KHDRBS2: variants seen among roughly 807,000 people sequenced by gnomAD.
KHDRBS2 encodes the protein KH RNA binding domain containing, signal transduction associated 2.
KHDRBS2 carries 26 observed loss-of-function variants against 44.3 expected under a neutral mutation model. The observed-to-expected ratio is 0.59, with a 90% CI of 0.43 to 0.81. KHDRBS2 has a LOEUF of 0.81. KHDRBS2 is among the 40% of genes least tolerant of loss of function. KHDRBS2 has a pLI of 0.00. For missense variants in KHDRBS2, 476 were observed against 433.1 expected, an observed-to-expected ratio of 1.10 and a Z score of -0.88; for synonymous variants, 194 against 151.1, an observed-to-expected ratio of 1.28 and a Z score of -2.08.
chr6:61,846,459 G>A (rs1794418498), intron 6 of KHDRBS2, among the ~76,000 whole-genome samples: 1 of 152,032 alleles, frequency 6.6e-6, no homozygotes, highest in Non-Finnish European at 1.5e-5. Flanking sequence ...GGTTACCTAG[G>A]GCATGGGTGG....
intron 2 of KHDRBS2, among the ~76,000 whole-genome samples, chr6:62,060,539 C>A (rs1791531759): frequency 6.6e-6 from 1 of 151,374 alleles, no homozygotes; most frequent in South Asian, 2.1e-4. Flanking sequence ...ACCAACCTTA[C>A]AATATACTTA....
At chr6:61,860,272 T>A (rs755380724) in intron 6 of KHDRBS2, among the ~76,000 whole-genome samples, 6 of 151,948 alleles carry the variant, frequency 3.9e-5, no homozygotes, top group Non-Finnish European at 7.4e-5. Context: ...TGTCTTTTTT[T>A]GTGTGTGTGT....
intron 6 of KHDRBS2, among the ~76,000 whole-genome samples, chr6:61,757,749 C>G (rs1376257513): frequency 6.6e-6 from 1 of 152,014 alleles, no homozygotes; most frequent in East Asian, 1.9e-4. Context: ...AGTTTTGCCT[C>G]TAATAATTAT....
chr6:62,155,663 AAACTATTGT>A (rs1816196951), intron 2 of KHDRBS2, among the ~76,000 whole-genome samples: 1 of 152,214 alleles, frequency 6.6e-6, no homozygotes, highest in South Asian at 2.1e-4. Context: ...CTTCATTGCT[AAACTATTGT>A]TTCTGTAACT....
chr6:61,930,404 C>T (rs1698835), intron 4 of KHDRBS2, among the ~76,000 whole-genome samples: 1 of 151,350 alleles, frequency 6.6e-6, no homozygotes, highest in South Asian at 2.1e-4. Context: ...AGAACTAGTT[C>T]TCATAATTGG....
chr6:61,681,986 G>A (rs1000591681), intron 8 of KHDRBS2, among the ~76,000 whole-genome samples: 2 of 151,814 alleles, frequency 1.3e-5, no homozygotes, highest in Non-Finnish European at 2.9e-5. Context: ...TTCATGCATG[G>A]GTGTGTAAAA....
intron 7 of KHDRBS2, among the ~76,000 whole-genome samples, chr6:61,729,847 G>T (rs1774163442): frequency 6.6e-6 from 1 of 152,054 alleles, no homozygotes; most frequent in South Asian, 2.1e-4. Context: ...TACAATCAAA[G>T]ATATTCTTTA....
At chr6:61,622,404 A>G in the KHDRBS2 span, among the ~76,000 whole-genome samples, 5 of 152,200 alleles carry the variant, frequency 3.3e-5, no homozygotes, top group Admixed American at 1.3e-4. Context: ...CAGTGGAGGA[A>G]AGAGATTATA....
intron 5 of KHDRBS2, 140 bp from the exon 6 acceptor site, chr6:61,894,973 G>T (rs138496571): frequency 1.7e-6 from 1 of 595,244 alleles, no homozygotes; most frequent in East Asian, 2.8e-5. Context: ...GTGTGTGTGT[G>T]TATGCATTTA....
At chr6:61,619,894 A>G in the KHDRBS2 span, among the ~76,000 whole-genome samples, 4 of 152,210 alleles carry the variant, frequency 2.6e-5, no homozygotes, top group South Asian at 8.3e-4. Context: ...ATATGCAAGT[A>G]TCTTTTTCAT....
intron 1 of KHDRBS2, among the ~76,000 whole-genome samples, chr6:62,282,736 A>G (rs1015362220): frequency 9.2e-5 from 14 of 152,170 alleles, no homozygotes; most frequent in Non-Finnish European, 1.8e-4. Flanking sequence ...GGAAAGAATG[A>G]AAAAAGTTTC....
At chr6:61,676,062 C>G (rs901224379), downstream of KHDRBS2, among the ~76,000 whole-genome samples, 3 of 151,794 alleles carry the variant, frequency 2.0e-5, no homozygotes, top group African/African-American at 7.2e-5. Context: ...ATGCCATGAA[C>G]CCATATGGGA....
intron 6 of KHDRBS2, among the ~76,000 whole-genome samples, chr6:61,768,908 C>T (rs1562128393): frequency 6.6e-6 from 1 of 152,050 alleles, no homozygotes; most frequent in Non-Finnish European, 1.5e-5. Flanking sequence ...TATTCAGTCA[C>T]TTGGTTTTGT....
chr6:62,122,164 G>T (rs1308771546), intron 2 of KHDRBS2, among the ~76,000 whole-genome samples: 1 of 152,196 alleles, frequency 6.6e-6, no homozygotes, highest in Non-Finnish European at 1.5e-5. Context: ...TGACCCAGCA[G>T]ATCCAATGGT....
At chr6:61,715,103 C>G (rs1771167679) in intron 7 of KHDRBS2, among the ~76,000 whole-genome samples, 2 of 151,932 alleles carry the variant, frequency 1.3e-5, no homozygotes, top group Non-Finnish European at 2.9e-5. Context: ...TCTCTCTTCT[C>G]TCACTACCAA....
chr6:62,238,335 T>C (rs1051439871), intron 1 of KHDRBS2, among the ~76,000 whole-genome samples: 14 of 152,154 alleles, frequency 9.2e-5, no homozygotes, highest in African/African-American at 3.1e-4. Context: ...CTGTGTCTTA[T>C]ATGAGTACAT....
chr6:62,270,291 C>G (rs995568158), intron 1 of KHDRBS2, among the ~76,000 whole-genome samples: 53 of 142,436 alleles, frequency 3.7e-4, no homozygotes, highest in Non-Finnish European at 4.8e-4. Flanking sequence ...CTCTCTCTCT[C>G]TCTCTCTCTC....
chr6:62,041,758 T>A (rs576897002), intron 3 of KHDRBS2, among the ~76,000 whole-genome samples: 84 of 152,194 alleles, frequency 5.5e-4, no homozygotes, highest in Admixed American at 2.2e-3. Flanking sequence ...GCGAATAAAA[T>A]CAGATGAGAG....
intron 6 of KHDRBS2, among the ~76,000 whole-genome samples, chr6:61,762,858 T>C (rs1779476250): frequency 2.0e-5 from 3 of 152,206 alleles, no homozygotes; most frequent in Admixed American, 6.5e-5. Flanking sequence ...GAAGGTTCTA[T>C]TGAAATTTTA....
Sources: gnomAD v4.1 joint callset for allele counts (sites outside exome capture counted in the v4.1 genomes callset) on GRCh38, gnomAD v4.1.1 for gene constraint, MANE v1.5 for transcripts, NCBI Gene and HGNC (gene_info 2026-07-23, HGNC 2026-07-21) for gene names.